Variants in PDE4B observed in about 807,000 individuals in gnomAD.
PDE4B encodes phosphodiesterase 4B.
PDE4B carries 20 observed loss-of-function variants against 82.2 expected under a neutral mutation model. That is an observed-to-expected ratio of 0.24 (90% CI 0.17 to 0.35). The LOEUF is 0.35. Ranked by LOEUF, PDE4B falls within the 10% of genes least tolerant of loss-of-function variation. The pLI is 1.00. For synonymous variants in PDE4B, 320 were observed against 318.9 expected, an observed-to-expected ratio of 1.00 and a Z score of -0.04; for missense variants, 655 against 907.2, an observed-to-expected ratio of 0.72 and a Z score of 3.57.
intron 1 of PDE4B, among the ~76,000 whole-genome samples, chr1:65,838,285 T>C (rs1034897547): frequency 1.1e-4 from 17 of 151,976 alleles, no homozygotes; most frequent in Non-Finnish European, 1.6e-4. Context: ...ATCAAAAAAA[T>C]GAATATTGAC....
rs375076979 is a variant in PDE4B at position 66,354,567 on chromosome 1, T to C, written c.748-960T>C. On this transcript the variant is annotated intron_variant, in intron 8 of 16. Transcript: ENST00000341517. Reference sequence around the variant, plus strand: ...CTTCAAACCAGCCAGCTGAATACATTTGGACAGGCTCTTGCTCCTTCGTGC... The same window carrying C: ...CTTCAAACCAGCCAGCTGAATACATCTGGACAGGCTCTTGCTCCTTCGTGC... The C allele has an allele frequency of 2.9e-5, 36 of 1,247,564 alleles. No individual in the cohort carries two copies. The East Asian group carries it at 7.0e-4, about 24-fold the overall frequency. 77.3% of individuals were successfully genotyped at this position (1,247,564 alleles called of 1,614,324 possible). A position where few individuals can be genotyped will look rare whatever the true frequency, so the allele number is the denominator to read the frequency against.
intron 1 of PDE4B, among the ~76,000 whole-genome samples, chr1:65,809,050 G>A (rs1411364616): frequency 6.6e-6 from 1 of 152,040 alleles, no homozygotes; most frequent in Non-Finnish European, 1.5e-5. Flanking sequence ...TGCAAAATGG[G>A]CTGGGCGTGG....
intron 3 of PDE4B, among the ~76,000 whole-genome samples, chr1:66,112,963 T>C (rs905322754): frequency 6.6e-6 from 1 of 152,234 alleles, no homozygotes; most frequent in Non-Finnish European, 1.5e-5. Context: ...TATATTGCAC[T>C]TTGTAGTGAC....
At chr1:66,287,197 C>T (rs1372358529) in intron 7 of PDE4B, among the ~76,000 whole-genome samples, 2 of 152,262 alleles carry the variant, frequency 1.3e-5, no homozygotes, top group Non-Finnish European at 2.9e-5. Context: ...GTCCTGCCCC[C>T]ACAACTGGCG....
chr1:66,360,065 A>G (rs1033998397), intron 9 of PDE4B, among the ~76,000 whole-genome samples: 1 of 151,962 alleles, frequency 6.6e-6, no homozygotes, highest in African/African-American at 2.4e-5. Context: ...GGAATCTTTT[A>G]AAAAAAATAC....
chr1:65,811,425 C>A (rs985628558), intron 1 of PDE4B, among the ~76,000 whole-genome samples: 1 of 152,140 alleles, frequency 6.6e-6, no homozygotes, highest in Non-Finnish European at 1.5e-5. Context: ...TACTTAATAC[C>A]CAGCTGTGCT....
At chr1:66,252,524 A>G (rs985495307) in intron 4 of PDE4B, among the ~76,000 whole-genome samples, 1 of 152,216 alleles carries the variant, frequency 6.6e-6, no homozygotes, top group Non-Finnish European at 1.5e-5. Flanking sequence ...AGCAAAGCCT[A>G]TTTTATAATA....
At chr1:66,049,767 G>A (rs753282714) in intron 3 of PDE4B, among the ~76,000 whole-genome samples, 1 of 151,976 alleles carries the variant, frequency 6.6e-6, no homozygotes, top group Non-Finnish European at 1.5e-5. Flanking sequence ...GCAAGGTGGG[G>A]TTGGATACCA....
intron 3 of PDE4B, among the ~76,000 whole-genome samples, chr1:66,113,446 G>A (rs1053391294): frequency 6.6e-6 from 1 of 152,034 alleles, no homozygotes; most frequent in African/African-American, 2.4e-5. Flanking sequence ...CCTAATACAA[G>A]ATCTTGTTAT....
At chr1:66,226,630 A>G (rs1651475978) in intron 3 of PDE4B, among the ~76,000 whole-genome samples, 1 of 152,236 alleles carries the variant, frequency 6.6e-6, no homozygotes, top group African/African-American at 2.4e-5. Context: ...GTTGCAAGAA[A>G]AGAACAGTCA....
chr1:66,305,409 A>C (rs1464749392), intron 7 of PDE4B, among the ~76,000 whole-genome samples: 3 of 141,330 alleles, frequency 2.1e-5, no homozygotes, highest in African/African-American at 7.9e-5. Context: ...TGCCTAGTTA[A>C]ATTTGAATTT....
intron 3 of PDE4B, among the ~76,000 whole-genome samples, chr1:65,976,309 T>G (rs1186993502): frequency 6.6e-6 from 1 of 152,258 alleles, no homozygotes; most frequent in Non-Finnish European, 1.5e-5. Flanking sequence ...TTGGTTTGGC[T>G]GCTTTCTTCC....
At chr1:66,110,867 C>T (rs538631996) in intron 3 of PDE4B, among the ~76,000 whole-genome samples, 27 of 152,198 alleles carry the variant, frequency 1.8e-4, no homozygotes, top group Non-Finnish European at 3.5e-4. Flanking sequence ...GCAACTACTG[C>T]TGTCTGGCCT....
At chr1:66,317,636 C>A (rs1186602225) in intron 7 of PDE4B, among the ~76,000 whole-genome samples, 2 of 152,210 alleles carry the variant, frequency 1.3e-5, no homozygotes, top group East Asian at 1.9e-4. Context: ...GTGCCTCACA[C>A]CTGTAATCCC....
intron 4 of PDE4B, 52 bp downstream of exon 4, chr1:66,247,706 C>A: frequency 7.3e-7 from 1 of 1,364,846 alleles, no homozygotes; most frequent in Non-Finnish European, 1.0e-6. Flanking sequence ...TCATCTCTAC[C>A]CAGGTCACAG....
chr1:66,162,163 T>C (rs542820703), intron 3 of PDE4B, among the ~76,000 whole-genome samples: 2 of 152,090 alleles, frequency 1.3e-5, no homozygotes, highest in Non-Finnish European at 2.9e-5. Flanking sequence ...GAAACTTTTA[T>C]AGTGTAACGT....
chr1:66,066,515 GGC>G (rs1655856773), intron 3 of PDE4B, among the ~76,000 whole-genome samples: 1 of 151,734 alleles, frequency 6.6e-6, no homozygotes, highest in African/African-American at 2.4e-5. Flanking sequence ...CTTTAGCACC[GGC>G]TCTATTGAAA....
At chr1:66,297,938 G>A (rs1054421852) in intron 7 of PDE4B, among the ~76,000 whole-genome samples, 4 of 152,080 alleles carry the variant, frequency 2.6e-5, no homozygotes, top group Admixed American at 1.3e-4. Context: ...TGACTAGGTT[G>A]GTGAACAAGG....
rs935320256 is a variant in PDE4B at position 66,300,816 on chromosome 1, G to A, written c.635-31692G>A. Among the ~76,000 whole-genome samples, 6 of 152,112 alleles carry A rather than the reference G, an allele frequency of 3.9e-5. No individual in the cohort carries two copies. The East Asian group carries it at 1.2e-3, about 29-fold the overall frequency. On this transcript the variant is annotated intron_variant, in intron 7 of 16. Coordinates refer to ENST00000341517, the MANE Select transcript of PDE4B (RefSeq NM_002600.4). ...CCGGCTGGATTAGGCAATCACTGCT[G>A]GCCGTATGCAGTCCCGTTTTCAGTG...
Sources: gnomAD v4.1 joint callset for allele counts (sites outside exome capture counted in the v4.1 genomes callset) on GRCh38, gnomAD v4.1.1 for gene constraint, MANE v1.5 for transcripts, NCBI Gene and HGNC (gene_info 2026-07-23, HGNC 2026-07-21) for gene names.